Variants in MAMDC2 observed in about 807,000 individuals in gnomAD.
MAMDC2 encodes MAM domain-containing protein 2.
Under a neutral mutation model 89.8 loss-of-function variants are expected in MAMDC2, and 57 were observed. That is an observed-to-expected ratio of 0.63 (90% confidence interval 0.51 to 0.79). MAMDC2 has a LOEUF of 0.79. Ranked by LOEUF, MAMDC2 falls within the 30% of genes least tolerant of loss-of-function variation. The pLI is 0.00. For missense variants in MAMDC2, 800 were observed against 820.6 expected (o/e 0.97, Z 0.31); for synonymous variants, 313 against 293.4 (o/e 1.07, Z -0.68).
At chr9:70,057,849 A>G (rs1461264968) in intron 2 of MAMDC2, among the ~76,000 whole-genome samples, 6 of 152,330 alleles carry the variant, frequency 3.9e-5, no homozygotes, top group African/African-American at 1.4e-4. Context: ...ATTTCATTTC[A>G]TTCTCCTTTA....
At position 70,207,688 on chromosome 9, in the gene MAMDC2, C is replaced by G. The variant is rs141982809; in HGVS notation, c.1652-10649C>G. ...TTGTTGTCATTGCTTTTGGTGTTTT[C>G]GACATGAAGTCCTTGCCCATGCCTA... On this transcript the variant is annotated intron_variant, in intron 11 of 13. Transcript: ENST00000377182. 8.0e-3 allele frequency among the ~76,000 whole-genome samples: 1,218 copies of G among 152,092 alleles called. 7 individuals are homozygous for G. The highest frequency in any genetic ancestry group is 0.028 in the African/African-American group (1,154 of 41,502).
intron 2 of MAMDC2, among the ~76,000 whole-genome samples, chr9:70,100,966 G>A (rs1828172761): frequency 6.6e-6 from 1 of 152,186 alleles, no homozygotes; most frequent in South Asian, 2.1e-4. Flanking sequence ...CATTTACAAA[G>A]CATCTTTATA....
chr9:70,196,766 G>A (rs2032981301), intron 11 of MAMDC2, among the ~76,000 whole-genome samples: 1 of 152,062 alleles, frequency 6.6e-6, no homozygotes, highest in Non-Finnish European at 1.5e-5. Context: ...TGGAACGACA[G>A]ATGAACTCTG....
intron 5 of MAMDC2, among the ~76,000 whole-genome samples, chr9:70,117,815 C>T (rs931279173): frequency 3.3e-5 from 5 of 152,150 alleles, no homozygotes; most frequent in African/African-American, 1.2e-4. Context: ...CAGGATTTCT[C>T]ACCACCTGTA....
intron 11 of MAMDC2, chr9:70,193,948 C>A (rs1367507097): frequency 6.6e-6 from 1 of 152,078 alleles, no homozygotes; most frequent in African/African-American, 2.4e-5. Flanking sequence ...GCTACATTAG[C>A]TGGTCAGTCA....
intron 9 of MAMDC2, among the ~76,000 whole-genome samples, chr9:70,154,787 C>T (rs1183737597): frequency 6.6e-6 from 1 of 152,140 alleles, no homozygotes; most frequent in Non-Finnish European, 1.5e-5. Flanking sequence ...GCTGGGATTA[C>T]AGGCGTGAGC....
chr9:70,069,916 T>G (rs1265720047), intron 2 of MAMDC2, among the ~76,000 whole-genome samples: 1 of 152,196 alleles, frequency 6.6e-6, no homozygotes, highest in Non-Finnish European at 1.5e-5. Context: ...GACATATTCC[T>G]CAACTAAGAA....
intron 2 of MAMDC2, among the ~76,000 whole-genome samples, chr9:70,072,692 G>A (rs566846336): frequency 6.6e-6 from 1 of 152,146 alleles, no homozygotes; most frequent in East Asian, 1.9e-4. Context: ...TCTTCACCAT[G>A]AGACTGTATT....
At chr9:70,046,303 C>T (rs976281351) in intron 2 of MAMDC2, among the ~76,000 whole-genome samples, 5 of 152,258 alleles carry the variant, frequency 3.3e-5, no homozygotes, top group Admixed American at 3.3e-4. Context: ...TGTGTACACA[C>T]ACACACAACC....
intron 2 of MAMDC2, among the ~76,000 whole-genome samples, chr9:70,091,020 T>C (rs1827887082): frequency 6.7e-6 from 1 of 149,546 alleles, no homozygotes; most frequent in South Asian, 2.2e-4. Flanking sequence ...TCGCATATAG[T>C]ATGTTAACTG....
chr9:70,221,880 T>A (rs966938355), intron 12 of MAMDC2, among the ~76,000 whole-genome samples: 2 of 152,082 alleles, frequency 1.3e-5, no homozygotes, highest in Admixed American at 6.5e-5. Context: ...ATCATGAAAA[T>A]CCTTAGAAGG....
Position 70,170,609 on chromosome 9 carries a change from G to A in MAMDC2, c.1629G>A (p.Lys543=), listed in dbSNP as rs1316690469. 1.2e-6 allele frequency: 2 copies of A among 1,609,678 alleles called. No individual in the cohort carries two copies. Among genetic ancestry groups the A allele is most frequent in the Non-Finnish European group, 8.5e-7 (1 of 1,178,294 alleles). ...CTCCCACTTCCTACACAGGACCAAA[G>A]GGAGATCACACTACTGGGGTAGGTG... ...GETPTSYTGP[K]GDHTTGVGYY... is the part of the protein sequence containing the mutation. The change falls in exon 11 of 14, where the codon AAG becomes AAA. Residue 543 remains lysine, a synonymous_variant. Coordinates refer to ENST00000377182, the MANE Select transcript of MAMDC2 (RefSeq NM_153267.5).
At chr9:70,209,984 A>T (rs2033317281) in intron 11 of MAMDC2, among the ~76,000 whole-genome samples, 1 of 152,216 alleles carries the variant, frequency 6.6e-6, no homozygotes, top group East Asian at 1.9e-4. Flanking sequence ...GTTTGACTGC[A>T]CTGTGGTCTG....
chr9:70,067,786 T>C (rs1373417547), intron 2 of MAMDC2, among the ~76,000 whole-genome samples: 1 of 152,182 alleles, frequency 6.6e-6, no homozygotes, highest in African/African-American at 2.4e-5. Flanking sequence ...AGACACTCTT[T>C]CTAGGTGCAA....
chr9:70,048,195 A>C (rs2117966093), intron 2 of MAMDC2, among the ~76,000 whole-genome samples: 1 of 152,310 alleles, frequency 6.6e-6, no homozygotes, highest in Non-Finnish European at 1.5e-5. Flanking sequence ...GGGAAGTGAT[A>C]CTATGTCAGA....
intron 2 of MAMDC2, among the ~76,000 whole-genome samples, chr9:70,104,381 T>C (rs1214752631): frequency 6.6e-6 from 1 of 152,224 alleles, no homozygotes; most frequent in Non-Finnish European, 1.5e-5. Context: ...GAAAGCAGTT[T>C]GGCAGTTCTT....
In MAMDC2 at chr9:70,064,521, G is replaced by C. The variant is rs1009642448; in HGVS notation, c.148+19824G>C. 2.0e-5 allele frequency among the ~76,000 whole-genome samples: 3 copies of C among 152,110 alleles called. No homozygotes were observed. In the East Asian group the frequency reaches 5.8e-4, roughly 29 times the overall value. On this transcript the variant is annotated intron_variant, in intron 2 of 13. Coordinates refer to ENST00000377182, the MANE Select transcript of MAMDC2 (RefSeq NM_153267.5). ...AAGGAACCACTACAACCAATTTCTT[G>C]TGTAATTTCTGAAACTGCGTTTGCA...
intron 11 of MAMDC2, 43 bp from the exon 12 acceptor site, chr9:70,218,294 T>G: frequency 6.4e-7 from 1 of 1,565,156 alleles, no homozygotes; most frequent in Middle Eastern, 1.7e-4. Context: ...AAAATGTAAT[T>G]TGTGTCCTTT....
chr9:70,181,989 G>A (rs565147624), intron 11 of MAMDC2, among the ~76,000 whole-genome samples: 1 of 152,236 alleles, frequency 6.6e-6, no homozygotes, highest in East Asian at 1.9e-4. Context: ...TTGGCTATGG[G>A]TTTGTCATAA....
Sources: allele counts gnomAD v4.1 joint callset (sites outside exome capture counted in the v4.1 genomes callset), GRCh38; gene constraint gnomAD v4.1.1; transcripts MANE v1.5; gene names NCBI Gene and HGNC (gene_info 2026-07-23, HGNC 2026-07-21).